Variants in PRKN observed in about 807,000 individuals in gnomAD.
PRKN encodes parkin RBR E3 ubiquitin protein ligase.
A neutral mutation model predicts 59.5 loss-of-function variants in PRKN; 56 were observed. The observed-to-expected ratio is 0.94, with a 90% CI of 0.76 to 1.18. PRKN has a LOEUF of 1.18. PRKN is among the 50% of genes most tolerant of loss of function. The pLI is 0.00. For missense variants in PRKN, 657 were observed against 596.4 expected, an observed-to-expected ratio of 1.10 and a Z score of -1.06; for synonymous variants, 250 against 222.1, an observed-to-expected ratio of 1.13 and a Z score of -1.12.
intron 7 of PRKN, among the ~76,000 whole-genome samples, chr6:161,717,825 G>A (rs976486665): frequency 6.6e-6 from 1 of 152,160 alleles, no homozygotes; most frequent in Non-Finnish European, 1.5e-5. Flanking sequence ...CTGCCTGAGA[G>A]TTTTGGCCCA....
At chr6:161,963,871 G>A (rs1583412327) in intron 6 of PRKN, among the ~76,000 whole-genome samples, 1 of 152,256 alleles carries the variant, frequency 6.6e-6, no homozygotes, top group East Asian at 1.9e-4. Flanking sequence ...AGTCAATTTG[G>A]GTCTTGCCCT....
intron 7 of PRKN, among the ~76,000 whole-genome samples, chr6:161,746,854 A>G (rs1191932859): frequency 6.7e-6 from 1 of 149,358 alleles, no homozygotes; most frequent in Non-Finnish European, 1.5e-5. Context: ...ATATGTATGT[A>G]TCTATATATC....
chr6:161,923,328 CA>C (rs1778850113), intron 6 of PRKN, among the ~76,000 whole-genome samples: 1 of 152,088 alleles, frequency 6.6e-6, no homozygotes, highest in African/African-American at 2.4e-5. Context: ...ACTAAAAATA[CA>C]AAAATTAACT....
At chr6:162,075,377 A>C (rs1778778436) in intron 4 of PRKN, among the ~76,000 whole-genome samples, 1 of 152,176 alleles carries the variant, frequency 6.6e-6, no homozygotes, top group Non-Finnish European at 1.5e-5. Flanking sequence ...TTTAGTTCTC[A>C]AAATTAAGCT....
intron 2 of PRKN, among the ~76,000 whole-genome samples, chr6:162,404,227 C>T (rs977071315): frequency 4.0e-5 from 6 of 151,452 alleles, no homozygotes; most frequent in African/African-American, 1.2e-4. Flanking sequence ...AAAAATTAGC[C>T]GATGTGGTGG....
chr6:162,027,474 G>A (rs1783479144), intron 5 of PRKN, among the ~76,000 whole-genome samples: 1 of 152,040 alleles, frequency 6.6e-6, no homozygotes, highest in African/African-American at 2.4e-5. Context: ...GTATATTCTT[G>A]TGTAGAAAAA....
At chr6:162,307,761 G>A (rs1325486284) in intron 2 of PRKN, among the ~76,000 whole-genome samples, 1 of 152,148 alleles carries the variant, frequency 6.6e-6, no homozygotes, top group Non-Finnish European at 1.5e-5. Context: ...AAACTCAGAT[G>A]TGAACAACAT....
rs1398780449 is a variant in PRKN at position 161,352,769 on chromosome 6, A to ATATATATATATT, written c.1286-2559_1286-2558insAATATATATATA. On this transcript the variant is annotated intron_variant, in intron 11 of 11. Transcript: ENST00000366898. This position sits in a 1 kb window ranked among gnomAD's most constrained non-coding sequence, Gnocchi z 5.8. ...TGTGTGTGTGTGTATATATATATAT[A>ATATATATATATT]TATTTTATTTTATTTTATTTTATTT... 5.0e-5 allele frequency among the ~76,000 whole-genome samples: 6 copies of ATATATATATATT among 119,448 alleles called. No homozygotes were observed. The highest frequency in any genetic ancestry group is 1.6e-4 in the Admixed American group (2 of 12,178). The allele number at this position is 119,448 out of a possible 152,430, so 78.4% of individuals were successfully genotyped here. A position where few individuals can be genotyped will look rare whatever the true frequency, so the allele number is the denominator to read the frequency against.
chr6:162,167,732 T>C (rs62437987), intron 4 of PRKN, among the ~76,000 whole-genome samples: 42,653 of 151,392 alleles, frequency 0.28, 6,471 homozygotes, highest in Middle Eastern at 0.38. Flanking sequence ...GACCAGTGTT[T>C]GTGCAAATTT....
intron 7 of PRKN, among the ~76,000 whole-genome samples, chr6:161,605,988 C>T (rs1782267380): frequency 6.6e-6 from 1 of 152,140 alleles, no homozygotes; most frequent in Non-Finnish European, 1.5e-5. Flanking sequence ...ACCATAAGCT[C>T]TTTGGGGGCC....
At chr6:162,139,773 A>T (rs926552216) in intron 4 of PRKN, among the ~76,000 whole-genome samples, 1 of 152,098 alleles carries the variant, frequency 6.6e-6, no homozygotes, top group African/African-American at 2.4e-5. Flanking sequence ...AAAATGAAGT[A>T]TCTGTAGGTA....
chr6:162,607,709 T>C (rs1473702979), intron 1 of PRKN, among the ~76,000 whole-genome samples: 1 of 152,098 alleles, frequency 6.6e-6, no homozygotes, highest in African/African-American at 2.4e-5. Context: ...AGTGGGAGAT[T>C]TGCCTTAGGA....
intron 6 of PRKN, among the ~76,000 whole-genome samples, chr6:161,965,568 T>A (rs539514749): frequency 4.6e-5 from 7 of 152,142 alleles, no homozygotes; most frequent in African/African-American, 1.7e-4. Flanking sequence ...GAGCCAAATA[T>A]GAGTGACAAT....
At position 162,056,966 on chromosome 6, in the gene PRKN, C is replaced by T. The variant is rs566758283; in HGVS notation, c.535-2792G>A. Among the ~76,000 whole-genome samples, 1 of 152,254 alleles carries T rather than the reference C, an allele frequency of 6.6e-6. No homozygotes were observed. The highest frequency in any genetic ancestry group is 1.9e-4 in the East Asian group (1 of 5,168). ...AACTCCTCCCCCTGGGCCTTTTCCC[C>T]TCGCTTCATATCCTTTTGTTGTAGT... On this transcript the variant is annotated intron_variant, in intron 4 of 11. Coordinates refer to ENST00000366898, the MANE Select transcript of PRKN (RefSeq NM_004562.3). This position sits in a 1 kb window ranked among gnomAD's most constrained non-coding sequence, Gnocchi z 4.9.
chr6:162,343,959 A>G (rs1211150535), intron 2 of PRKN, among the ~76,000 whole-genome samples: 1 of 152,198 alleles, frequency 6.6e-6, no homozygotes, highest in East Asian at 1.9e-4. Flanking sequence ...AAACCCTAAG[A>G]AACGTGGTCT....
intron 2 of PRKN, among the ~76,000 whole-genome samples, chr6:162,374,748 T>C (rs1281452712): frequency 6.6e-6 from 1 of 152,104 alleles, no homozygotes; most frequent in Admixed American, 6.6e-5. Flanking sequence ...TATAGATGTC[T>C]GTATGTAAAC....
intron 6 of PRKN, among the ~76,000 whole-genome samples, chr6:161,797,818 T>C (rs1790913334): frequency 6.6e-6 from 1 of 152,210 alleles, no homozygotes; most frequent in Non-Finnish European, 1.5e-5. Flanking sequence ...TTTTTGCTTG[T>C]TTTACGTGTA....
intron 2 of PRKN, among the ~76,000 whole-genome samples, chr6:162,322,319 A>G (rs1583376763): frequency 6.6e-6 from 1 of 152,182 alleles, no homozygotes; most frequent in East Asian, 1.9e-4. Context: ...AAATAAATGG[A>G]GCAGTATTTG....
intron 9 of PRKN, among the ~76,000 whole-genome samples, chr6:161,536,336 A>C (rs1423970757): frequency 2.0e-5 from 3 of 152,116 alleles, no homozygotes; most frequent in East Asian, 3.9e-4. Flanking sequence ...GTAAGGGTCA[A>C]GGGATTAGCA....
Sources: allele counts gnomAD v4.1 joint callset (sites outside exome capture counted in the v4.1 genomes callset), GRCh38; gene constraint gnomAD v4.1.1; non-coding constraint Gnocchi (gnomAD v3.1); transcripts MANE v1.5; gene names NCBI Gene and HGNC (gene_info 2026-07-23, HGNC 2026-07-21).